Variants in CCNYL1 observed in about 807,000 individuals in gnomAD.
CCNYL1 encodes cyclin-Y-like protein 1.
A neutral mutation model predicts 44.2 loss-of-function variants in CCNYL1; 16 were observed. The ratio of observed to expected loss-of-function variants is 0.36; its 90% CI spans 0.25 to 0.55. CCNYL1 has a LOEUF of 0.55. Ranked by LOEUF, CCNYL1 falls within the 20% of genes least tolerant of loss-of-function variation. The pLI, the probability that CCNYL1 is intolerant of heterozygous loss-of-function variation, is 0.85. For missense variants in CCNYL1, 348 were observed against 451.8 expected, an observed-to-expected ratio of 0.77 and a Z score of 2.08; for synonymous variants, 159 against 163.2, an observed-to-expected ratio of 0.97 and a Z score of 0.20.
chr2:207,750,802 C>G lies in CCNYL1; in HGVS notation c.807-155C>G. On this transcript the variant is annotated intron_variant, in intron 8 of 9. Transcript: ENST00000295414. ...GCAGAAGGGACCACAAGTAACTGTA[C>G]CTTATGTGAACATTAGTATGTTAAT... 7.9e-6 allele frequency: 5 copies of G among 629,504 alleles called. No homozygotes were observed. The East Asian group carries it at 1.4e-4, about 18-fold the overall frequency. The allele number at this position is 629,504 out of a possible 1,614,324, so 39.0% of individuals were successfully genotyped here.
chr2:207,743,691 A>G (rs906908090), intron 7 of CCNYL1, among the ~76,000 whole-genome samples: 3 of 152,234 alleles, frequency 2.0e-5, no homozygotes, highest in Non-Finnish European at 4.4e-5. Context: ...AGGAGAAGGT[A>G]ATAAAAGAAC....
intron 7 of CCNYL1, among the ~76,000 whole-genome samples, chr2:207,746,290 G>A (rs2091854620): frequency 6.6e-6 from 1 of 152,210 alleles, no homozygotes; most frequent in South Asian, 2.1e-4. Flanking sequence ...AAAAGGGTTA[G>A]TTACTGTGAA....
intron 8 of CCNYL1, among the ~76,000 whole-genome samples, chr2:207,748,082 A>G (rs1271585542): frequency 6.6e-6 from 1 of 152,082 alleles, no homozygotes; most frequent in Non-Finnish European, 1.5e-5. Context: ...CACATTGTAT[A>G]TTTGCTTTTG....
intron 6 of CCNYL1, among the ~76,000 whole-genome samples, chr2:207,741,247 C>A (rs1279266161): frequency 6.9e-6 from 1 of 145,576 alleles, no homozygotes; most frequent in East Asian, 2.2e-4. Context: ...AGTGAGACTC[C>A]ATCTCAAAAA....
In CCNYL1 at chr2:207,755,983, A is replaced by G. The variant is rs1332668222; in HGVS notation, c.*2285A>G. 9 of 151,558 alleles carry G rather than the reference A, an allele frequency of 5.9e-5. No individual in the cohort carries two copies. Among genetic ancestry groups the G allele is most frequent in the African/African-American group, 2.2e-4 (9 of 40,804 alleles). The allele number at this position is 151,558 out of a possible 1,614,324, so 9.4% of individuals were successfully genotyped here. Reference sequence around the variant, plus strand: ...TTTCCATCATTTTTAAAGGACAGAGACATAAATGATAAATAATGGTATACA... The same window carrying G: ...TTTCCATCATTTTTAAAGGACAGAGGCATAAATGATAAATAATGGTATACA... On this transcript the variant is annotated 3_prime_UTR_variant, in exon 10 of 10. Coordinates refer to ENST00000295414, the MANE Select transcript of CCNYL1 (RefSeq NM_001330218.2).
At position 207,754,606 on chromosome 2, in the gene CCNYL1, A is replaced by C. The variant is rs2091917724; in HGVS notation, c.*908A>C. ...ATAAACCTTTAAAAAACATGATTTGAAAGTTTTTTGTTTTGTTTTGTTTGT... is the reference window on the plus strand; with the variant it reads ...ATAAACCTTTAAAAAACATGATTTGCAAGTTTTTTGTTTTGTTTTGTTTGT... On this transcript the variant is annotated 3_prime_UTR_variant, in exon 10 of 10. Transcript: ENST00000295414. 1 of 152,374 alleles carries C rather than the reference A, an allele frequency of 6.6e-6. No homozygotes were observed. Among genetic ancestry groups the C allele is most frequent in the African/African-American group, 2.4e-5 (1 of 41,426 alleles). 9.4% of individuals were successfully genotyped at this position (152,374 alleles called of 1,614,324 possible). A position where few individuals can be genotyped will look rare whatever the true frequency, so the allele number is the denominator to read the frequency against.
At position 207,751,713 on chromosome 2, in the gene CCNYL1, C is replaced by G. The variant is rs1161962323; in HGVS notation, c.969+594C>G. Among the ~76,000 whole-genome samples the G allele has an allele frequency of 2.0e-5, 3 of 151,994 alleles. 1 individual carries two copies. Among genetic ancestry groups the G allele is most frequent in the African/African-American group, 7.2e-5 (3 of 41,402 alleles). On this transcript the variant is annotated intron_variant, in intron 9 of 9. Transcript: ENST00000295414. Reference sequence around the variant, plus strand: ...CTACTAAAAATACAAAATTAGCCGGCCGTGGTGGCGCATGCCTGTAATCCC... The same window carrying G: ...CTACTAAAAATACAAAATTAGCCGGGCGTGGTGGCGCATGCCTGTAATCCC...
chr2:207,726,358 C>A (rs148991306), intron 2 of CCNYL1, among the ~76,000 whole-genome samples: 2 of 152,132 alleles, frequency 1.3e-5, no homozygotes, highest in Non-Finnish European at 2.9e-5. Context: ...CAGTAACATA[C>A]TAGTAGATGA....
chr2:207,746,306 G>C (rs145636190), intron 7 of CCNYL1, among the ~76,000 whole-genome samples: 1 of 152,328 alleles, frequency 6.6e-6, no homozygotes, highest in Non-Finnish European at 1.5e-5. Flanking sequence ...GTGAAAAGGA[G>C]AAGGTAAAAA....
chr2:207,726,862 A>G lies in CCNYL1; in HGVS notation c.316A>G (p.Asn106Asp). 1 of 1,559,040 alleles carries G rather than the reference A, an allele frequency of 6.4e-7. No individual in the cohort carries two copies. Among genetic ancestry groups the G allele is most frequent in the Non-Finnish European group, 8.6e-7 (1 of 1,160,200 alleles). The change falls in exon 3 of 10, where the codon AAC becomes GAC. Residue 106 changes from asparagine to aspartate, a missense_variant. Transcript: ENST00000295414. Reference sequence around the variant, plus strand: ...CTTAGTGCGAGAAAAGAGGAAGAGCAACCATTTGAACCATGTAAGTAAACA... The same window carrying G: ...CTTAGTGCGAGAAAAGAGGAAGAGCGACCATTTGAACCATGTAAGTAAACA... ...QTDVREKRKSNHLNHVSPGQL... is the reference protein window; with the variant it reads ...QTDVREKRKSDHLNHVSPGQL...
chr2:207,716,458 G>C (rs1392691520), intron 1 of CCNYL1, among the ~76,000 whole-genome samples: 1 of 151,440 alleles, frequency 6.6e-6, no homozygotes, highest in Admixed American at 6.6e-5. Flanking sequence ...AGAAAAATGA[G>C]ATCATTCTAT....
At chr2:207,740,408 T>C (rs1200263809) in intron 5 of CCNYL1, among the ~76,000 whole-genome samples, 1 of 152,148 alleles carries the variant, frequency 6.6e-6, no homozygotes, top group African/African-American at 2.4e-5. Flanking sequence ...GGCCAATACT[T>C]AAAGGCAATT....
At chr2:207,719,379 C>T (rs1168614919) in intron 1 of CCNYL1, among the ~76,000 whole-genome samples, 1 of 148,918 alleles carries the variant, frequency 6.7e-6, no homozygotes, top group Non-Finnish European at 1.5e-5. Flanking sequence ...CAGCTCACTG[C>T]AACCTCCACC....
Position 207,711,934 on chromosome 2 carries a change from C to T in CCNYL1, c.38C>T (p.Ala13Val), listed in dbSNP as rs1405206657. Residue 13 changes from alanine to valine, a missense_variant, in exon 1 of 10, where the codon GCC becomes GTC. Physicochemically the swap from Ala to Val is moderately conservative, Grantham distance 64. Coordinates refer to ENST00000295414, the MANE Select transcript of CCNYL1 (RefSeq NM_001330218.2). The part of the protein sequence containing the change: ...NTLTCCVSPN[A>V]SPKLGRRAGS... ...CTGACCTGTTGCGTGTCCCCCAATG[C>T]CAGCCCCAAGCTGGGCCGGCGCGCG... 1 of 1,397,968 alleles carries T rather than the reference C, an allele frequency of 7.2e-7. No individual in the cohort carries two copies. The highest frequency in any genetic ancestry group is 9.3e-7 in the Non-Finnish European group (1 of 1,073,248). 86.6% of individuals were successfully genotyped at this position (1,397,968 alleles called of 1,614,324 possible).
chr2:207,747,302 G>T (rs901418188), intron 8 of CCNYL1, 89 bp downstream of exon 8: 2 of 1,156,866 alleles, frequency 1.7e-6, no homozygotes, highest in Non-Finnish European at 2.4e-6. Flanking sequence ...ATTTTTAAAG[G>T]TTACATTATG....
At chr2:207,713,206 A>G (rs933884848) in intron 1 of CCNYL1, among the ~76,000 whole-genome samples, 2 of 152,218 alleles carry the variant, frequency 1.3e-5, no homozygotes, top group African/African-American at 4.8e-5. Context: ...CCGGTGACTT[A>G]ACAGACTTCA....
rs761041046 is a variant in CCNYL1, at chr2:207,754,622, TTTTG to T, written c.*932_*935del. 2.4e-4 allele frequency: 36 copies of T among 152,442 alleles called. No individual in the cohort carries two copies. Among genetic ancestry groups the T allele is most frequent in the African/African-American group, 8.7e-4 (36 of 41,556 alleles). 9.4% of individuals were successfully genotyped at this position (152,442 alleles called of 1,614,324 possible). A position where few individuals can be genotyped will look rare whatever the true frequency, so the allele number is the denominator to read the frequency against. On this transcript the variant is annotated 3_prime_UTR_variant, in exon 10 of 10. Coordinates refer to ENST00000295414, the MANE Select transcript of CCNYL1 (RefSeq NM_001330218.2). ...CATGATTTGAAAGTTTTTTGTTTTG[TTTTG>T]TTTGTTTTTAAAGAGATGGGGGTCT...
intron 5 of CCNYL1, 63 bp downstream of exon 5, chr2:207,737,509 G>C: frequency 7.7e-7 from 1 of 1,295,144 alleles, no homozygotes; most frequent in Non-Finnish European, 1.1e-6. Flanking sequence ...ATCAAGTTCA[G>C]TATTAGGTCA....
intron 4 of CCNYL1, among the ~76,000 whole-genome samples, chr2:207,736,890 A>T (rs956275891): frequency 7.9e-5 from 12 of 152,192 alleles, no homozygotes; most frequent in African/African-American, 2.4e-4. Flanking sequence ...AGTCCACAGA[A>T]ACATGTATTT....
Sources: allele counts gnomAD v4.1 joint callset (sites outside exome capture counted in the v4.1 genomes callset), GRCh38; gene constraint gnomAD v4.1.1; transcripts MANE v1.5; gene names NCBI Gene and HGNC (gene_info 2026-07-23, HGNC 2026-07-21).